The following GRIN3A variants were observed in gnomAD, a reference collection of about 807,000 sequenced individuals.
The protein encoded by GRIN3A is glutamate ionotropic receptor NMDA type subunit 3A, also known as glutamate receptor ionotropic, NMDA 3A.
A neutral mutation model predicts 92.4 loss-of-function variants in GRIN3A; 47 were observed. The observed-to-expected ratio is 0.51, with a 90% CI of 0.40 to 0.65. The LOEUF is 0.65. Among genes scored for constraint, GRIN3A ranks in the 30% least tolerant of loss-of-function variants. The pLI is 0.00. For synonymous variants in GRIN3A, 527 were observed against 540.6 expected (o/e 0.97, Z 0.35); for missense variants, 1,324 against 1,393.1 (o/e 0.95, Z 0.79).
chr9:101,612,441 T>G (rs1166099635), intron 6 of GRIN3A, among the ~76,000 whole-genome samples: 1 of 152,138 alleles, frequency 6.6e-6, no homozygotes, highest in African/African-American at 2.4e-5. Context: ...CAACTTAAAT[T>G]TCAGATGCCT....
intron 6 of GRIN3A, among the ~76,000 whole-genome samples, chr9:101,598,188 A>G (rs1588242524): frequency 6.6e-6 from 1 of 152,196 alleles, no homozygotes; most frequent in Non-Finnish European, 1.5e-5. Context: ...CCGTTTCAAC[A>G]TGTAACCAAT....
intron 6 of GRIN3A, among the ~76,000 whole-genome samples, chr9:101,581,924 T>C (rs1193446470): frequency 6.6e-6 from 1 of 152,220 alleles, no homozygotes. Flanking sequence ...CTTATCTTTA[T>C]GACAATTTAT....
intron 6 of GRIN3A, among the ~76,000 whole-genome samples, chr9:101,597,310 G>C (rs1366919314): frequency 6.6e-6 from 1 of 152,162 alleles, no homozygotes; most frequent in Non-Finnish European, 1.5e-5. Flanking sequence ...GGATGGAGCT[G>C]GTCGGGGGGA....
intron 3 of GRIN3A, among the ~76,000 whole-genome samples, chr9:101,649,475 T>C (rs1398508748): frequency 6.6e-6 from 1 of 152,004 alleles, no homozygotes; most frequent in Non-Finnish European, 1.5e-5. Context: ...GGGCTTTTCA[T>C]GAAGATTCCA....
intron 6 of GRIN3A, chr9:101,592,568 C>T (rs979488528): frequency 1.3e-5 from 2 of 152,150 alleles, no homozygotes; most frequent in Non-Finnish European, 2.9e-5. Flanking sequence ...GTGTCTGAAT[C>T]TTTGAACATT....
chr9:101,670,647 C>T lies in GRIN3A; in HGVS notation c.1765G>A (p.Glu589Lys), dbSNP rs1829304885. The change falls in exon 3 of 9, where the codon GAA becomes AAA. Residue 589 changes from glutamate (E) to lysine (K), a missense_variant. Coordinates refer to ENST00000361820, the MANE Select transcript of GRIN3A (RefSeq NM_133445.3). ...AGGTCGAAGTCAAAGTTCATGTCTT[C>T]TGCTATCTTTTCCAGCAGATCAATG... ...YCIDLLEKIA[E>K]DMNFDFDLYI... 4 of 1,614,026 alleles carry T rather than the reference C, an allele frequency of 2.5e-6. No homozygotes were observed. Among genetic ancestry groups the T allele is most frequent in the Admixed American group, 1.7e-5 (1 of 59,998 alleles).
At chr9:101,574,129 G>A (rs763857818) in intron 8 of GRIN3A, among the ~76,000 whole-genome samples, 4 of 152,092 alleles carry the variant, frequency 2.6e-5, no homozygotes, top group African/African-American at 2.4e-5. Flanking sequence ...AAAAAATCCC[G>A]AGAAAGCCCT....
chr9:101,636,296 T>C (rs1158553559), intron 3 of GRIN3A, among the ~76,000 whole-genome samples: 2 of 152,352 alleles, frequency 1.3e-5, no homozygotes, highest in East Asian at 3.9e-4. Flanking sequence ...ATTTATTTTC[T>C]CTATATTATG....
intron 4 of GRIN3A, among the ~76,000 whole-genome samples, chr9:101,626,275 G>A (rs1488708163): frequency 6.6e-6 from 1 of 152,212 alleles, no homozygotes; most frequent in Non-Finnish European, 1.5e-5. Flanking sequence ...AAGCATTTTA[G>A]TAGGAGTTAA....
In GRIN3A at chr9:101,613,571, TGA is replaced by T. The variant is rs750731267; in HGVS notation, c.2615-46_2615-45del. Reference sequence around the variant, plus strand: ...TCAGATGAGTTTTTTACACCCTTCCTGAGAGATTGCCACCACAGTACATATTT... The same window carrying T: ...TCAGATGAGTTTTTTACACCCTTCCTGAGATTGCCACCACAGTACATATTT... On this transcript the variant is annotated intron_variant, in intron 5 of 8. Transcript: ENST00000361820. 8.8e-6 allele frequency: 14 copies of T among 1,592,676 alleles called. No homozygotes were observed. In the East Asian group the frequency reaches 3.1e-4, roughly 36 times the overall value.
Position 101,686,900 on chromosome 9 carries a change from T to C in GRIN3A, c.1000A>G (p.Ser334Gly). 6.2e-7 allele frequency: 1 copy of C among 1,614,242 alleles called. No homozygotes were observed. Among genetic ancestry groups the C allele is most frequent in the Non-Finnish European group, 8.5e-7 (1 of 1,180,042 alleles). Residue 334 changes from serine (S) to glycine (G), a missense_variant, in exon 2 of 9, where the codon AGT (serine) becomes GGT (glycine). By Grantham distance (56) the Ser-to-Gly change is moderately conservative. Coordinates refer to ENST00000361820, the MANE Select transcript of GRIN3A (RefSeq NM_133445.3). ...TVVMFGCDMESIRRIFEITTQ... is the reference protein window; with the variant it reads ...TVVMFGCDMEGIRRIFEITTQ... ...GTAATTTCGAAAATCCGCCGGATAC[T>C]TTCCATGTCGCAGCCAAACATCACC...
intron 4 of GRIN3A, among the ~76,000 whole-genome samples, chr9:101,625,661 A>G (rs970480920): frequency 5.3e-5 from 8 of 152,216 alleles, no homozygotes; most frequent in Admixed American, 2.0e-4. Context: ...TCCCAGCTCT[A>G]CAGTAATGGG....
At chr9:101,667,386 A>G (rs1588274068) in intron 3 of GRIN3A, among the ~76,000 whole-genome samples, 1 of 152,052 alleles carries the variant, frequency 6.6e-6, no homozygotes, top group East Asian at 2.0e-4. Flanking sequence ...ATAGGCACAA[A>G]TATTACCTTA....
chr9:101,629,883 G>A (rs1242501093), intron 3 of GRIN3A, among the ~76,000 whole-genome samples: 6 of 152,146 alleles, frequency 3.9e-5, no homozygotes, highest in Non-Finnish European at 7.3e-5. Context: ...CAGAACCCAT[G>A]TCTATCTTAT....
intron 1 of GRIN3A, among the ~76,000 whole-genome samples, chr9:101,709,073 C>G (rs1829845045): frequency 6.6e-6 from 1 of 152,204 alleles, no homozygotes; most frequent in South Asian, 2.1e-4. Flanking sequence ...ATTTTCCTAG[C>G]CATAACCTGT....
At chr9:101,676,091 C>G (rs1316712923) in intron 2 of GRIN3A, among the ~76,000 whole-genome samples, 1 of 151,742 alleles carries the variant, frequency 6.6e-6, no homozygotes, top group African/African-American at 2.4e-5. Context: ...GTGGAAATAG[C>G]TCTGAAATAA....
intron 2 of GRIN3A, 137 bp downstream of exon 2, chr9:101,686,459 C>T: frequency 9.9e-7 from 1 of 1,008,238 alleles, no homozygotes; most frequent in Middle Eastern, 2.6e-4. Context: ...GCCTATATAA[C>T]CAGAAATCCT....
At chr9:101,675,928 TTAAA>T (rs550586334) in intron 2 of GRIN3A, among the ~76,000 whole-genome samples, 2 of 152,018 alleles carry the variant, frequency 1.3e-5, no homozygotes, top group Non-Finnish European at 2.9e-5. Flanking sequence ...TTTGCTAAAG[TTAAA>T]TAAAAATCTT....
intron 3 of GRIN3A, among the ~76,000 whole-genome samples, chr9:101,667,234 G>A (rs947968977): frequency 5.3e-5 from 8 of 151,512 alleles, no homozygotes. Flanking sequence ...ATTACTTGGA[G>A]GTAATACATT....
Sources: gnomAD v4.1 joint callset for allele counts (sites outside exome capture counted in the v4.1 genomes callset) on GRCh38, gnomAD v4.1.1 for gene constraint, MANE v1.5 for transcripts, NCBI Gene and HGNC (gene_info 2026-07-23, HGNC 2026-07-21) for gene names.